The following CNP variants were observed in gnomAD, a reference collection of about 807,000 sequenced individuals.
CNP encodes 2',3'-cyclic nucleotide 3' phosphodiesterase.
A neutral mutation model predicts 37.9 loss-of-function variants in CNP; 8 were observed. The ratio of observed to expected loss-of-function variants is 0.21; its 90% CI spans 0.12 to 0.38. The LOEUF (loss-of-function observed/expected upper bound fraction) is 0.38, where lower values mean the gene tolerates loss of function less well. Among genes scored for constraint, CNP ranks in the 10% least tolerant of loss-of-function variants. CNP has a pLI of 1.00. For synonymous variants in CNP, 237 were observed against 238.3 expected (o/e 0.99, Z 0.05); for missense variants, 457 against 551.0 (o/e 0.83, Z 1.71).
rs11296 is a variant in CNP, at chr17:41,975,042, T to C, written c.*1118T>C. The C allele has an allele frequency of 0.04, 6,074 of 152,410 alleles. 172 individuals are homozygous for C. The highest frequency in any genetic ancestry group is 0.061 in the Middle Eastern group (18 of 294). 9.4% of individuals were successfully genotyped at this position (152,410 alleles called of 1,614,324 possible). On this transcript the variant is annotated 3_prime_UTR_variant, in exon 4 of 4. Transcript: ENST00000393892. ...GTTCCTGGGGTGCCCTCCACTGCCC[T>C]CTGTTCAGTAACAGGGCCTTGCTAA... is the stretch of plus-strand genomic sequence containing the variant.
At position 41,968,786 on chromosome 17, in the gene CNP, G is replaced by T; in HGVS notation, c.676+46G>T. 1 of 1,538,078 alleles carries T rather than the reference G, an allele frequency of 6.5e-7. No individual in the cohort carries two copies. Among genetic ancestry groups the T allele is most frequent in the East Asian group, 2.3e-5 (1 of 43,112 alleles). The stretch of plus-strand genomic sequence containing the variant: ...TTATAAGCCCACCTTGCTGGGCACA[G>T]GGTGCTGCGGGCAAAGGACCATCAT... On this transcript the variant is annotated intron_variant, in intron 2 of 3. Coordinates refer to ENST00000393892, the MANE Select transcript of CNP (RefSeq NM_033133.5). The surrounding 1 kb of genome is among the most constrained non-coding windows in gnomAD (Gnocchi z 4.8).
At chr17:41,971,750 A>C in intron 2 of CNP, 142 bp from the exon 3 acceptor site, 1 of 1,117,044 alleles carries the variant, frequency 9.0e-7, no homozygotes, top group Non-Finnish European at 1.3e-6. Context: ...TGACCAACTA[A>C]CCAATGAATG....
Position 41,974,004 on chromosome 17 carries a change from A to ATTTTT in CNP, c.*96_*100dup. The ATTTTT allele has an allele frequency of 1.3e-5, 11 of 838,474 alleles. No individual in the cohort carries two copies. The highest frequency in any genetic ancestry group is 3.4e-5 in the East Asian group (1 of 29,212). 51.9% of individuals were successfully genotyped at this position (838,474 alleles called of 1,614,324 possible). Reference sequence around the variant, plus strand: ...CTCTGTTTGATCCTTGTTTTGTGACATTTTTTTTTTTTTTTTTTTTACTCA... The same window carrying ATTTTT: ...CTCTGTTTGATCCTTGTTTTGTGACATTTTTTTTTTTTTTTTTTTTTTTTTACTCA... On this transcript the variant is annotated 3_prime_UTR_variant, in exon 4 of 4. Transcript: ENST00000393892.
At position 41,968,996 on chromosome 17, in the gene CNP, A is replaced by T. The variant is rs548029326; in HGVS notation, c.676+256A>T. On this transcript the variant is annotated intron_variant, in intron 2 of 3. Transcript: ENST00000393892. The surrounding 1 kb of genome is among the most constrained non-coding windows in gnomAD (Gnocchi z 4.8). Reference sequence around the variant, plus strand: ...TCCTTCTAGCCCTCTTCTCTCCGACACCCTTTTCCCAGCCTGAATGTAGAC... The same window carrying T: ...TCCTTCTAGCCCTCTTCTCTCCGACTCCCTTTTCCCAGCCTGAATGTAGAC... Among the ~76,000 whole-genome samples, 81 of 151,896 alleles carry T rather than the reference A, an allele frequency of 5.3e-4. No homozygotes were observed. Among genetic ancestry groups the T allele is most frequent in the South Asian group, 1.5e-3 (7 of 4,758 alleles).
In CNP at chr17:41,974,736, T is replaced by G. The variant is rs1232177900; in HGVS notation, c.*812T>G. On this transcript the variant is annotated 3_prime_UTR_variant, in exon 4 of 4. Transcript: ENST00000393892. The stretch of plus-strand genomic sequence containing the variant: ...GCCACATCCCCGCTGGCTGGGGGCC[T>G]CACTCCAGGAAGGGGCTGGACTGGC... The G allele has an allele frequency of 1.3e-5, 2 of 152,604 alleles. No homozygotes were observed. Among genetic ancestry groups the G allele is most frequent in the African/African-American group, 2.4e-5 (1 of 41,474 alleles). The allele number at this position is 152,604 out of a possible 1,614,324, so 9.5% of individuals were successfully genotyped here. A position where few individuals can be genotyped will look rare whatever the true frequency, so the allele number is the denominator to read the frequency against.
In CNP at chr17:41,968,304, G is replaced by T. The variant is rs1555643223; in HGVS notation, c.240G>T (p.Met80Ile). 3.1e-6 allele frequency: 5 copies of T among 1,614,088 alleles called. No homozygotes were observed. The highest frequency in any genetic ancestry group is 4.2e-6 in the Non-Finnish European group (5 of 1,179,988). Reference sequence around the variant, plus strand: ...ACAAGTACCGTGATGGCACCAAGATGGTGTCGGCTGACGCTTACAAGATCA... The same window carrying T: ...ACAAGTACCGTGATGGCACCAAGATTGTGTCGGCTGACGCTTACAAGATCA... ...IVDKYRDGTK[M>I]VSADAYKITP... is the part of the protein sequence containing the mutation. Residue 80 changes from methionine to isoleucine, a missense_variant, in exon 2 of 4, where the codon ATG (methionine) becomes ATT (isoleucine). This residue lies in a region of CNP where 166 missense variants were observed against 259.3 expected (regional missense o/e 0.64). Coordinates refer to ENST00000393892, the MANE Select transcript of CNP (RefSeq NM_033133.5). The surrounding 1 kb of genome is among the most constrained non-coding windows in gnomAD (Gnocchi z 4.8).
chr17:41,975,557 G>A lies in CNP; in HGVS notation c.*1633G>A, dbSNP rs1555644609. On this transcript the variant is annotated 3_prime_UTR_variant, in exon 4 of 4. Coordinates refer to ENST00000393892, the MANE Select transcript of CNP (RefSeq NM_033133.5). ...GTTCTCTAGGGAAGGCCACCTGCAG[G>A]TCACTGAAACTTCAAGCACCAGGGA... 6.6e-6 allele frequency: 1 copy of A among 152,290 alleles called. No homozygotes were observed. Among genetic ancestry groups the A allele is most frequent in the African/African-American group, 2.4e-5 (1 of 41,464 alleles). 9.4% of individuals were successfully genotyped at this position (152,290 alleles called of 1,614,324 possible).
In CNP at chr17:41,976,988, C is replaced by T. The variant is rs782430301; in HGVS notation, c.*3064C>T. Reference sequence around the variant, plus strand: ...TGACCTCAGCATTATCTATATAGTACCTTTGCTCTTGCAGAGAAGCCTTGG... The same window carrying T: ...TGACCTCAGCATTATCTATATAGTATCTTTGCTCTTGCAGAGAAGCCTTGG... On this transcript the variant is annotated 3_prime_UTR_variant, in exon 4 of 4. Transcript: ENST00000393892. 1.2e-4 allele frequency: 75 copies of T among 645,306 alleles called. No homozygotes were observed. Among genetic ancestry groups the T allele is most frequent in the Non-Finnish European group, 1.7e-4 (65 of 378,744 alleles). 40.0% of individuals were successfully genotyped at this position (645,306 alleles called of 1,614,324 possible).
chr17:41,968,001 C>CT lies in CNP; in HGVS notation c.4-66dup. 1.3e-6 allele frequency: 2 copies of CT among 1,559,336 alleles called. No individual in the cohort carries two copies. Among genetic ancestry groups the CT allele is most frequent in the Non-Finnish European group, 1.7e-6 (2 of 1,150,498 alleles). The stretch of plus-strand genomic sequence containing the variant: ...AAGGCACCCACAACCAGTCTAGGGA[C>CT]TAGGGGTAAGGCCGGCGGGGAGCCC... On this transcript the variant is annotated intron_variant, in intron 1 of 3. Coordinates refer to ENST00000393892, the MANE Select transcript of CNP (RefSeq NM_033133.5). The surrounding 1 kb of genome is among the most constrained non-coding windows in gnomAD (Gnocchi z 4.8).
intron 1 of CNP, chr17:41,967,234 G>T: frequency 4.2e-6 from 1 of 239,756 alleles, no homozygotes; most frequent in Non-Finnish European, 8.0e-6. Flanking sequence ...CCCCCTCCCC[G>T]GGCCCAGTCT....
At chr17:41,970,897 ACTC>A (rs2050977340) in intron 2 of CNP, 2 of 151,952 alleles carry the variant, frequency 1.3e-5, no homozygotes, top group Middle Eastern at 6.8e-3. Flanking sequence ...CAGATACTCC[ACTC>A]CTCTTTGTGT....
intron 3 of CNP, among the ~76,000 whole-genome samples, chr17:41,973,016 G>A (rs1555644039): frequency 6.6e-6 from 1 of 152,202 alleles, no homozygotes. Context: ...GGCGCTGTCT[G>A]GGTCCCAGGG....
chr17:41,971,604 T>C, intron 2 of CNP: 1 of 240,298 alleles, frequency 4.2e-6, no homozygotes, highest in Non-Finnish European at 8.3e-6. Flanking sequence ...TTCACCATCT[T>C]GGCCAGGCTG....
chr17:41,969,534 C>T (rs1446433396), intron 2 of CNP, among the ~76,000 whole-genome samples: 1 of 152,116 alleles, frequency 6.6e-6, no homozygotes, highest in African/African-American at 2.4e-5. Context: ...GCCTTTAGGC[C>T]ATTTCTGGTT....
At position 41,973,805 on chromosome 17, in the gene CNP, A is replaced by T. The variant is rs1016790393; in HGVS notation, c.1147A>T (p.Thr383Ser). The T allele has an allele frequency of 1.9e-6, 3 of 1,612,088 alleles. No individual in the cohort carries two copies. Among genetic ancestry groups the T allele is most frequent in the Non-Finnish European group, 2.5e-6 (3 of 1,179,068 alleles). Residue 383 changes from threonine to serine, a missense_variant, in exon 4 of 4, where the codon ACC becomes TCC. By Grantham distance (58) the Thr-to-Ser change is moderately conservative. Transcript: ENST00000393892. ...CTTGGGCAATGGGCGCTGGATGCTG[A>T]CCCTGGCCAAGAACATGGAGGTCAG... ...YSLGNGRWMLTLAKNMEVRAI... is the reference protein window; with the variant it reads ...YSLGNGRWMLSLAKNMEVRAI...
chr17:41,973,806 C>A lies in CNP; in HGVS notation c.1148C>A (p.Thr383Asn). The change falls in exon 4 of 4, where the codon ACC becomes AAC. Residue 383 changes from threonine (T) to asparagine (N), a missense_variant. This residue lies in a region of CNP where 291 missense variants were observed against 291.7 expected (regional missense o/e 1.00). Coordinates refer to ENST00000393892, the MANE Select transcript of CNP (RefSeq NM_033133.5). The part of the protein sequence containing the change: ...YSLGNGRWML[T>N]LAKNMEVRAI... ...TTGGGCAATGGGCGCTGGATGCTGACCCTGGCCAAGAACATGGAGGTCAGG... is the reference window on the plus strand; with the variant it reads ...TTGGGCAATGGGCGCTGGATGCTGAACCTGGCCAAGAACATGGAGGTCAGG... 6.2e-7 allele frequency: 1 copy of A among 1,612,300 alleles called. No homozygotes were observed. The highest frequency in any genetic ancestry group is 8.5e-7 in the Non-Finnish European group (1 of 1,179,092).
Position 41,973,661 on chromosome 17 carries a change from T to C in CNP, c.1003T>C (p.Cys335Arg). ...GAGCCGCGCCCACATCACCCTCGGC[T>C]GTGCAGCTGACGTAGAGGCCGTGCA... is the stretch of plus-strand genomic sequence containing the variant. ...RGSRAHITLG[C>R]AADVEAVQTG... The change falls in exon 4 of 4, where the codon TGT (cysteine) becomes CGT (arginine). Residue 335 changes from cysteine (C) to arginine (R), a missense_variant. Transcript: ENST00000393892. 1 of 1,614,050 alleles carries C rather than the reference T, an allele frequency of 6.2e-7. No individual in the cohort carries two copies.
chr17:41,976,625 T>C lies in CNP; in HGVS notation c.*2701T>C. 1 of 1,418,936 alleles carries C rather than the reference T, an allele frequency of 7.0e-7. No homozygotes were observed. 87.9% of individuals were successfully genotyped at this position (1,418,936 alleles called of 1,614,324 possible). A position where few individuals can be genotyped will look rare whatever the true frequency, so the allele number is the denominator to read the frequency against. ...GGGCATCCAACTGAGAAAACGAAACTGCTCTAAGCACACGGAGACGTGATG... is the reference window on the plus strand; with the variant it reads ...GGGCATCCAACTGAGAAAACGAAACCGCTCTAAGCACACGGAGACGTGATG... On this transcript the variant is annotated 3_prime_UTR_variant, in exon 4 of 4. Coordinates refer to ENST00000393892, the MANE Select transcript of CNP (RefSeq NM_033133.5).
In CNP at chr17:41,976,461, C is replaced by CTTTT; in HGVS notation, c.*2544_*2547dup. ...AGGAAGGGTCAAAACATTTTATTCT[C>CTTTT]TTTTTTTTTTCTTTTTTAATAAAGT... On this transcript the variant is annotated 3_prime_UTR_variant, in exon 4 of 4. Coordinates refer to ENST00000393892, the MANE Select transcript of CNP (RefSeq NM_033133.5). 3.0e-6 allele frequency: 1 copy of CTTTT among 335,928 alleles called. No individual in the cohort carries two copies. Among genetic ancestry groups the CTTTT allele is most frequent in the Non-Finnish European group, 5.4e-6 (1 of 185,324 alleles). 20.8% of individuals were successfully genotyped at this position (335,928 alleles called of 1,614,324 possible). A position where few individuals can be genotyped will look rare whatever the true frequency, so the allele number is the denominator to read the frequency against.
Sources: allele counts gnomAD v4.1 joint callset (sites outside exome capture counted in the v4.1 genomes callset), GRCh38; gene constraint gnomAD v4.1.1; regional missense constraint gnomAD v4.1.1; non-coding constraint Gnocchi (gnomAD v3.1); transcripts MANE v1.5; gene names NCBI Gene and HGNC (gene_info 2026-07-23, HGNC 2026-07-21).